Variants in IL6ST observed in about 807,000 individuals in gnomAD.
IL6ST encodes interleukin 6 cytokine family signal transducer, also known as interleukin-6 receptor subunit beta.
IL6ST carries 24 observed loss-of-function variants against 91.3 expected under a neutral mutation model. The ratio of observed to expected loss-of-function variants is 0.26; its 90% CI spans 0.19 to 0.37. IL6ST has a LOEUF of 0.37. IL6ST is among the 10% of genes least tolerant of loss of function. The probability of loss-of-function intolerance (pLI) is 1.00; values close to 1 mark genes in which losing one functional copy is unlikely to be tolerated. For missense variants in IL6ST, 914 were observed against 1,078.5 expected, an observed-to-expected ratio of 0.85 and a Z score of 2.14; for synonymous variants, 351 against 373.6, an observed-to-expected ratio of 0.94 and a Z score of 0.70.
In IL6ST at chr5:55,957,197, G is replaced by A; in HGVS notation, c.1056+12C>T. 1 of 1,234,840 alleles carries A rather than the reference G, an allele frequency of 8.1e-7. No individual in the cohort carries two copies. 76.5% of individuals were successfully genotyped at this position (1,234,840 alleles called of 1,614,324 possible). ...GATTTATAAGAGATAAAATATAAAT[G>A]TGATTTTTTACCTTCCACACGAGTT... On this transcript the variant is annotated intron_variant, in intron 9 of 16. Coordinates refer to ENST00000381298, the MANE Select transcript of IL6ST (RefSeq NM_002184.4).
intron 3 of IL6ST, among the ~76,000 whole-genome samples, chr5:55,975,923 C>T (rs1223683910): frequency 2.0e-5 from 3 of 150,182 alleles, no homozygotes; most frequent in East Asian, 1.9e-4. Context: ...AAAACCCACA[C>T]ACTTCTTTCC....
In IL6ST at chr5:55,938,110, T is replaced by C. The variant is rs1750650632; in HGVS notation, c.*2972A>G. On this transcript the variant is annotated 3_prime_UTR_variant, in exon 17 of 17. Transcript: ENST00000381298. ...GAGCTTTAATGAATGTTTTGTAACA[T>C]TTTAAAGTTGTAACATTTCTAAGTA... is the stretch of plus-strand genomic sequence containing the variant. 5.3e-6 allele frequency: 1 copy of C among 189,654 alleles called. No individual in the cohort carries two copies. Among genetic ancestry groups the C allele is most frequent in the South Asian group, 1.9e-4 (1 of 5,142 alleles). 11.7% of individuals were successfully genotyped at this position (189,654 alleles called of 1,614,324 possible).
intron 7 of IL6ST, among the ~76,000 whole-genome samples, chr5:55,962,610 T>A (rs1228661048): frequency 6.6e-6 from 1 of 152,158 alleles, no homozygotes; most frequent in African/African-American, 2.4e-5. Context: ...ACTACTCAAC[T>A]CTTCCACTGT....
At chr5:55,983,970 T>A (rs917014474) in intron 1 of IL6ST, among the ~76,000 whole-genome samples, 4 of 152,076 alleles carry the variant, frequency 2.6e-5, no homozygotes, top group Admixed American at 2.6e-4. Context: ...ATAGAGATCT[T>A]CCCTAACCAC....
At chr5:55,980,222 A>G (rs1753572780) in intron 2 of IL6ST, among the ~76,000 whole-genome samples, 1 of 152,194 alleles carries the variant, frequency 6.6e-6, no homozygotes, top group Non-Finnish European at 1.5e-5. Flanking sequence ...GTGAATCTTT[A>G]GTACTTATGC....
intron 1 of IL6ST, among the ~76,000 whole-genome samples, 198 bp downstream of exon 1, chr5:55,994,586 G>T (rs772670576): frequency 6.6e-6 from 1 of 152,070 alleles, no homozygotes; most frequent in African/African-American, 2.4e-5. Flanking sequence ...GATAATCGAG[G>T]TGACAAAGTT....
Position 55,952,312 on chromosome 5 carries a change from G to A in IL6ST, c.1490C>T (p.Thr497Ile), listed in dbSNP as rs757943540. ...AESKCYLITV[T>I]PVYADGPGSP... ...TCCTGGTCCATCAGCATATACTGGA[G>A]TAACTGTTATCAAATAGCATTTGCT... Residue 497 changes from threonine (T) to isoleucine (I), a missense_variant, in exon 12 of 17, where the codon ACT (threonine) becomes ATT (isoleucine). Thr to Ile is a moderately conservative substitution (Grantham distance 89). Transcript: ENST00000381298. The A allele has an allele frequency of 1.9e-6, 3 of 1,605,416 alleles. No homozygotes were observed. The highest frequency in any genetic ancestry group is 1.1e-5 in the South Asian group (1 of 89,962).
At chr5:55,959,718 G>T in intron 8 of IL6ST, 1 of 948,394 alleles carries the variant, frequency 1.1e-6, no homozygotes, top group Non-Finnish European at 1.5e-6. Flanking sequence ...GTATATTTTT[G>T]ATAGTGGGGA....
In IL6ST at chr5:55,947,154, G is replaced by GC. The variant is rs200232599; in HGVS notation, c.1937+338dup. Among the ~76,000 whole-genome samples the GC allele has an allele frequency of 9.9e-3, 1,512 of 152,170 alleles. 10 individuals are homozygous for GC. The highest frequency in any genetic ancestry group is 0.016 in the Non-Finnish European group (1,070 of 67,998). On this transcript the variant is annotated intron_variant, in intron 15 of 16. Transcript: ENST00000381298. The stretch of plus-strand genomic sequence containing the variant: ...GCAGAGGTTGTAGTGAACTGAGATC[G>GC]CACCACTGCACTCCATCCTGGGCAA...
At chr5:55,972,422 G>T (rs1050838111) in intron 3 of IL6ST, among the ~76,000 whole-genome samples, 1 of 152,084 alleles carries the variant, frequency 6.6e-6, no homozygotes, top group South Asian at 2.1e-4. Flanking sequence ...TGAGGCAGGA[G>T]AATGGTGTGA....
chr5:55,960,369 T>A (rs949044441), intron 8 of IL6ST, 33 bp downstream of exon 8: 1 of 1,565,942 alleles, frequency 6.4e-7, no homozygotes, highest in East Asian at 2.3e-5. Flanking sequence ...GGAATTCCAA[T>A]AGCTTTACTT....
At chr5:55,949,233 T>A (rs547606419) in intron 14 of IL6ST, among the ~76,000 whole-genome samples, 157 of 152,236 alleles carry the variant, frequency 1.0e-3, no homozygotes, top group Non-Finnish European at 1.3e-3. Context: ...TCCGGCACTC[T>A]GGGAGGCTAA....
Position 55,939,432 on chromosome 5 carries a change from TAAAC to T in IL6ST, c.*1646_*1649del, listed in dbSNP as rs201484800. ...TATATAAATGCAAGAATATAAAAGA[TAAAC>T]AGGAAGTCTAATGTGAACAATATTC... On this transcript the variant is annotated 3_prime_UTR_variant, in exon 17 of 17. Transcript: ENST00000381298. 1,742 of 203,872 alleles carry T rather than the reference TAAAC, an allele frequency of 8.5e-3. 36 individuals are homozygous for T. Among genetic ancestry groups the T allele is most frequent in the African/African-American group, 0.037 (1,605 of 43,890 alleles). The allele number at this position is 203,872 out of a possible 1,614,324, so 12.6% of individuals were successfully genotyped here.
intron 2 of IL6ST, chr5:55,978,271 A>G (rs1753431817): frequency 6.6e-6 from 1 of 152,214 alleles, no homozygotes; most frequent in Non-Finnish European, 1.5e-5. Context: ...AGGCTGCTTC[A>G]CAGGAAAGAA....
chr5:55,978,987 C>T (rs558312430), intron 2 of IL6ST, among the ~76,000 whole-genome samples: 4 of 152,276 alleles, frequency 2.6e-5, no homozygotes, highest in African/African-American at 9.6e-5. Context: ...AACCAAATAT[C>T]TATTAACACT....
In IL6ST at chr5:55,941,768, C is replaced by T. The variant is rs1350091204; in HGVS notation, c.2071G>A (p.Val691Ile). ...TTTGCTTCTATTTCCACAACACTTA[C>T]ATCAGTGAAATTGCCATCTGAATAC... ...QMYSDGNFTDVSVVEIEANDK... is the reference protein window; with the variant it reads ...QMYSDGNFTDISVVEIEANDK... The change falls in exon 17 of 17, where the codon GTA (valine) becomes ATA (isoleucine). Residue 691 changes from valine to isoleucine, a missense_variant. Physicochemically the swap from Val to Ile is conservative, Grantham distance 29. Coordinates refer to ENST00000381298, the MANE Select transcript of IL6ST (RefSeq NM_002184.4). 1.9e-6 allele frequency: 3 copies of T among 1,613,392 alleles called. No homozygotes were observed. Among genetic ancestry groups the T allele is most frequent in the South Asian group, 2.2e-5 (2 of 91,032 alleles).
chr5:55,970,858 C>A (rs751964418), intron 3 of IL6ST, among the ~76,000 whole-genome samples: 1 of 151,666 alleles, frequency 6.6e-6, no homozygotes, highest in African/African-American at 2.4e-5. Flanking sequence ...AGTGAGATCA[C>A]GCCACTGCAC....
intron 1 of IL6ST, among the ~76,000 whole-genome samples, chr5:55,993,369 T>C (rs1018098988): frequency 2.0e-5 from 3 of 152,240 alleles, no homozygotes; most frequent in African/African-American, 7.2e-5. Context: ...TTTTAACACC[T>C]ACTTCACATG....
rs750182745 is a variant in IL6ST at position 55,939,741 on chromosome 5, C to T, written c.*1341G>A. ...GGGGACAGCATAAGTACACTAGCGG[C>T]TTTAGCACTAAACTCGAGGCCTGGG... On this transcript the variant is annotated 3_prime_UTR_variant, in exon 17 of 17. Coordinates refer to ENST00000381298, the MANE Select transcript of IL6ST (RefSeq NM_002184.4). The T allele has an allele frequency of 2.2e-4, 45 of 208,076 alleles. No individual in the cohort carries two copies. Among genetic ancestry groups the T allele is most frequent in the Non-Finnish European group, 3.4e-4 (35 of 101,960 alleles). The allele number at this position is 208,076 out of a possible 1,614,324, so 12.9% of individuals were successfully genotyped here.
Sources: allele counts gnomAD v4.1 joint callset (sites outside exome capture counted in the v4.1 genomes callset), GRCh38; gene constraint gnomAD v4.1.1; transcripts MANE v1.5; gene names NCBI Gene and HGNC (gene_info 2026-07-23, HGNC 2026-07-21).